CECR2: variants seen among roughly 807,000 people sequenced by gnomAD.
CECR2 encodes CECR2 histone acetyl-lysine reader, also known as chromatin remodeling regulator CECR2.
CECR2 carries 30 observed loss-of-function variants against 154.5 expected under a neutral mutation model. That is an observed-to-expected ratio of 0.19 (90% CI 0.15 to 0.26). The LOEUF is 0.26. Among genes scored for constraint, CECR2 ranks in the 10% least tolerant of loss-of-function variants. The pLI is 1.00. For synonymous variants in CECR2, 725 were observed against 683.7 expected, an observed-to-expected ratio of 1.06 and a Z score of -0.94; for missense variants, 1,743 against 1,829.3, an observed-to-expected ratio of 0.95 and a Z score of 0.86.
At chr22:17,496,879 A>G (rs1233262469) in intron 2 of CECR2, among the ~76,000 whole-genome samples, 1 of 152,228 alleles carries the variant, frequency 6.6e-6, no homozygotes, top group Non-Finnish European at 1.5e-5. Context: ...TATTCTGTGA[A>G]AAACCCTCTT....
intron 2 of CECR2, among the ~76,000 whole-genome samples, chr22:17,480,724 CTG>C (rs1189733993): frequency 6.6e-6 from 1 of 152,086 alleles, no homozygotes; most frequent in African/African-American, 2.4e-5. Context: ...CAAGACTAAA[CTG>C]TTCTATGCAG....
chr22:17,494,795 A>G (rs1212100477), intron 2 of CECR2, among the ~76,000 whole-genome samples: 1 of 152,094 alleles, frequency 6.6e-6, no homozygotes, highest in African/African-American at 2.4e-5. Flanking sequence ...CCCAGGTTCA[A>G]GCAATTCTCC....
chr22:17,444,646 C>G (rs887018575), intron 1 of CECR2, among the ~76,000 whole-genome samples: 2 of 152,062 alleles, frequency 1.3e-5, no homozygotes, highest in African/African-American at 4.8e-5. Context: ...CTACCACCAT[C>G]AAGATTTCTC....
At chr22:17,418,664 G>A (rs2054190885) in intron 1 of CECR2, 3 of 345,126 alleles carry the variant, frequency 8.7e-6, no homozygotes, top group Middle Eastern at 1.3e-3. Context: ...AGACACTCGC[G>A]AGGGGCAGCT....
At chr22:17,434,509 C>T (rs1601351154) in intron 1 of CECR2, among the ~76,000 whole-genome samples, 1 of 152,160 alleles carries the variant, frequency 6.6e-6, no homozygotes, top group Non-Finnish European at 1.5e-5. Context: ...TCTTCACGGG[C>T]AACTTAAGTT....
chr22:17,441,517 C>G (rs146905454), intron 1 of CECR2, among the ~76,000 whole-genome samples: 4 of 152,080 alleles, frequency 2.6e-5, no homozygotes, highest in African/African-American at 9.7e-5. Context: ...TTTATTCTAA[C>G]GTGATGAAAG....
chr22:17,543,070 A>T, intron 16 of CECR2, 67 bp downstream of exon 16: 1 of 1,472,152 alleles, frequency 6.8e-7, no homozygotes, highest in Non-Finnish European at 9.1e-7. Context: ...TACACAGCAT[A>T]TCAAACCAAG....
At chr22:17,476,479 C>T (rs976394222) in intron 1 of CECR2, among the ~76,000 whole-genome samples, 20 of 151,958 alleles carry the variant, frequency 1.3e-4, no homozygotes, top group African/African-American at 4.1e-4. Flanking sequence ...CTAGACTGGT[C>T]TCAATCTCTT....
At position 17,504,642 on chromosome 22, in the gene CECR2, C is replaced by T. The variant is rs369886551; in HGVS notation, c.701-205C>T. 3.3e-5 allele frequency among the ~76,000 whole-genome samples: 5 copies of T among 150,406 alleles called. No individual in the cohort carries two copies. The East Asian group carries it at 5.9e-4, about 18-fold the overall frequency. ...ATTTTTAGTAGAGACGGGGTTTCAC[C>T]GTGTTAGCCAGGATGGTCTCGATCT... On this transcript the variant is annotated intron_variant, in intron 6 of 18. Coordinates refer to ENST00000262608, the MANE Select transcript of CECR2 (RefSeq NM_001290047.2).
intron 1 of CECR2, 60 bp downstream of exon 1, chr22:17,369,969 C>T (rs2063035083): frequency 6.6e-6 from 1 of 150,988 alleles, no homozygotes; most frequent in African/African-American, 2.4e-5. Flanking sequence ...CTGCCCCGCG[C>T]GGGGTGTCCC....
intron 1 of CECR2, chr22:17,424,623 A>G (rs566094140): frequency 6.1e-6 from 1 of 162,780 alleles, no homozygotes; most frequent in Admixed American, 6.5e-5. Flanking sequence ...GCTGTTCATG[A>G]TCACCCAATG....
chr22:17,483,601 AAAAG>A (rs1380097787), intron 2 of CECR2, among the ~76,000 whole-genome samples: 2 of 152,130 alleles, frequency 1.3e-5, no homozygotes, highest in Non-Finnish European at 2.9e-5. Context: ...AGCAGAAAAA[AAAAG>A]AAAAAAATAT....
At chr22:17,525,297 A>T (rs1601515076) in intron 9 of CECR2, among the ~76,000 whole-genome samples, 1 of 144,758 alleles carries the variant, frequency 6.9e-6, no homozygotes, top group African/African-American at 2.6e-5. Flanking sequence ...AAAAAAAAAA[A>T]AAAAAAAAAA....
intron 1 of CECR2, among the ~76,000 whole-genome samples, chr22:17,462,679 G>T (rs1354730881): frequency 6.6e-6 from 1 of 152,120 alleles, no homozygotes; most frequent in Non-Finnish European, 1.5e-5. Context: ...ACTTTGGGAG[G>T]CCGAGGCGGG....
In CECR2 at chr22:17,525,285, C is replaced by CAAAAAAAAAAAAAAAAA. The variant is rs1569142080; in HGVS notation, c.1108+1014_1108+1015insAAAAAAAAAAAAAAAAA. 5.6e-4 allele frequency among the ~76,000 whole-genome samples: 18 copies of CAAAAAAAAAAAAAAAAA among 32,324 alleles called. 5 individuals carry two copies. The highest frequency in any genetic ancestry group is 1.7e-3 in the Admixed American group (3 of 1,800). The allele number at this position is 32,324 out of a possible 152,430, so 21.2% of individuals were successfully genotyped here. Reference sequence around the variant, plus strand: ...GGGCAACAAGAGTGAAACTCCATCTCCAAAAAAAAAAAAAAAAAAAAAAAA... The same window carrying CAAAAAAAAAAAAAAAAA: ...GGGCAACAAGAGTGAAACTCCATCTCAAAAAAAAAAAAAAAAACAAAAAAAAAAAAAAAAAAAAAAAA... On this transcript the variant is annotated intron_variant, in intron 9 of 18. Coordinates refer to ENST00000262608, the MANE Select transcript of CECR2 (RefSeq NM_001290047.2).
rs573939874 is a variant in CECR2, at chr22:17,467,917, A to G, written c.127-9671A>G. On this transcript the variant is annotated intron_variant, in intron 1 of 18. Transcript: ENST00000262608. Reference sequence around the variant, plus strand: ...AGAATTCACACGATCTTTTGAGACCATGAGCTGATGTGAAATGTGTTCTGT... The same window carrying G: ...AGAATTCACACGATCTTTTGAGACCGTGAGCTGATGTGAAATGTGTTCTGT... Among the ~76,000 whole-genome samples the G allele has an allele frequency of 2.0e-5, 3 of 152,356 alleles. No individual in the cohort carries two copies. The East Asian group carries it at 5.8e-4, about 29-fold the overall frequency.
At chr22:17,392,061 C>T (rs1028081987) in intron 1 of CECR2, among the ~76,000 whole-genome samples, 9 of 152,156 alleles carry the variant, frequency 5.9e-5, no homozygotes, top group Admixed American at 1.3e-4. Context: ...CCACCTGCTT[C>T]GGCCTCCCAA....
At chr22:17,440,044 T>C (rs1433492851) in intron 1 of CECR2, among the ~76,000 whole-genome samples, 1 of 150,850 alleles carries the variant, frequency 6.6e-6, no homozygotes, top group Non-Finnish European at 1.5e-5. Flanking sequence ...TGTCTGCATG[T>C]ATGTATATAT....
chr22:17,437,582 A>G (rs1012333212), intron 1 of CECR2, among the ~76,000 whole-genome samples: 2 of 152,168 alleles, frequency 1.3e-5, no homozygotes, highest in South Asian at 4.1e-4. Context: ...ATCACTGAGG[A>G]CCTGAAATAG....
Sources: allele counts gnomAD v4.1 joint callset (sites outside exome capture counted in the v4.1 genomes callset), GRCh38; gene constraint gnomAD v4.1.1; transcripts MANE v1.5; gene names NCBI Gene and HGNC (gene_info 2026-07-23, HGNC 2026-07-21).